Variants in PLS1 observed in about 807,000 individuals in gnomAD.
The protein encoded by PLS1 is plastin 1.
In PLS1, 32 loss-of-function variants were observed where a neutral mutation model predicts 73.7. The observed-to-expected ratio is 0.43, with a 90% confidence interval of 0.33 to 0.58. The LOEUF (loss-of-function observed/expected upper bound fraction) is 0.58. Ranked by LOEUF, PLS1 falls within the 20% of genes least tolerant of loss-of-function variation. The probability of loss-of-function intolerance (pLI) is 0.04; values close to 1 mark genes in which losing one functional copy is unlikely to be tolerated. For missense variants in PLS1, 633 were observed against 740.5 expected (o/e 0.85, Z 1.68); for synonymous variants, 217 against 261.3 (o/e 0.83, Z 1.63).
At chr3:142,711,846 C>G in intron 15 of PLS1, 26 bp from the exon 16 acceptor site, 1 of 1,609,046 alleles carries the variant, frequency 6.2e-7, no homozygotes, top group Non-Finnish European at 8.5e-7. Context: ...TGGATAACAC[C>G]AAGATATTTT....
intron 1 of PLS1, among the ~76,000 whole-genome samples, chr3:142,640,337 A>G (rs1057143354): frequency 6.6e-6 from 1 of 152,210 alleles, no homozygotes; most frequent in African/African-American, 2.4e-5. Context: ...AGCAACAACT[A>G]TGGATAAATA....
At position 142,689,756 on chromosome 3, in the gene PLS1, A is replaced by G; in HGVS notation, c.1120A>G (p.Thr374Ala). ...AGCTTTTGTAGCTAATTTGTTTAACACATACCCGTGCCTGCACAAGCCGAA... is the reference window on the plus strand; with the variant it reads ...AGCTTTTGTAGCTAATTTGTTTAACGCATACCCGTGCCTGCACAAGCCGAA... ...NLAFVANLFN[T>A]YPCLHKPNNN... The change falls in exon 10 of 16, where the codon ACA becomes GCA. Residue 374 changes from threonine to alanine, a missense_variant. Coordinates refer to ENST00000457734, the MANE Select transcript of PLS1 (RefSeq NM_001145319.2). 6.2e-7 allele frequency: 1 copy of G among 1,611,034 alleles called. No homozygotes were observed.
At chr3:142,707,008 A>C (rs1268646638) in intron 14 of PLS1, among the ~76,000 whole-genome samples, 1 of 152,214 alleles carries the variant, frequency 6.6e-6, no homozygotes, top group Non-Finnish European at 1.5e-5. Flanking sequence ...TCAGTTGAAT[A>C]AAAGGGTTGA....
intron 5 of PLS1, 41 bp downstream of exon 5, chr3:142,676,330 A>G: frequency 6.3e-7 from 1 of 1,591,344 alleles, no homozygotes; most frequent in Non-Finnish European, 8.6e-7. Context: ...GTTCTTGCTG[A>G]TTACATTGAT....
In PLS1 at chr3:142,697,925, C is replaced by T. The variant is rs768071152; in HGVS notation, c.1257-28C>T. 3 of 1,346,194 alleles carry T rather than the reference C, an allele frequency of 2.2e-6. No individual in the cohort carries two copies. The South Asian group carries it at 3.5e-5, about 16-fold the overall frequency. The allele number at this position is 1,346,194 out of a possible 1,614,324, so 83.4% of individuals were successfully genotyped here. ...AGGTAATACCCAACATTTCCTCCTCCTTTATCTGCTTTTCCTTCCTGCTTC... is the reference window on the plus strand; with the variant it reads ...AGGTAATACCCAACATTTCCTCCTCTTTTATCTGCTTTTCCTTCCTGCTTC... On this transcript the variant is annotated intron_variant, in intron 11 of 15. Coordinates refer to ENST00000457734, the MANE Select transcript of PLS1 (RefSeq NM_001145319.2).
At chr3:142,687,486 C>CAT (rs1230394129) in intron 9 of PLS1, among the ~76,000 whole-genome samples, 116 of 152,234 alleles carry the variant, frequency 7.6e-4, no homozygotes, top group African/African-American at 2.3e-3. Flanking sequence ...ATTATAATGA[C>CAT]ATATTTCAGA....
chr3:142,629,332 A>G (rs543945847), intron 1 of PLS1, among the ~76,000 whole-genome samples: 1 of 152,124 alleles, frequency 6.6e-6, no homozygotes, highest in South Asian at 2.1e-4. Flanking sequence ...AAGCCTGAGT[A>G]GCTGGGATTA....
At chr3:142,632,731 T>C (rs2036593303) in intron 1 of PLS1, among the ~76,000 whole-genome samples, 1 of 152,068 alleles carries the variant, frequency 6.6e-6, no homozygotes, top group African/African-American at 2.4e-5. Flanking sequence ...CCTGAGTAGC[T>C]TGGATTACAG....
intron 1 of PLS1, among the ~76,000 whole-genome samples, chr3:142,614,786 G>A (rs916737408): frequency 6.6e-6 from 1 of 152,098 alleles, no homozygotes; most frequent in African/African-American, 2.4e-5. Flanking sequence ...GGCTCCATCT[G>A]CTGCTTTCTT....
intron 14 of PLS1, among the ~76,000 whole-genome samples, chr3:142,708,144 A>T (rs868440162): frequency 6.6e-6 from 1 of 152,184 alleles, no homozygotes; most frequent in African/African-American, 2.4e-5. Context: ...TGGCATTGCT[A>T]ATATATAAAG....
At chr3:142,604,972 A>T (rs2035993580) in intron 1 of PLS1, among the ~76,000 whole-genome samples, 1 of 152,160 alleles carries the variant, frequency 6.6e-6, no homozygotes, top group African/African-American at 2.4e-5. Flanking sequence ...TATCAGTGGA[A>T]AAAGGAAATC....
intron 1 of PLS1, among the ~76,000 whole-genome samples, chr3:142,602,549 G>A (rs2108534670): frequency 6.6e-6 from 1 of 152,128 alleles, no homozygotes; most frequent in South Asian, 2.1e-4. Context: ...ATTGGAGGTG[G>A]GTGTGGATAC....
At chr3:142,687,670 C>T (rs1162681899) in intron 9 of PLS1, among the ~76,000 whole-genome samples, 3 of 152,142 alleles carry the variant, frequency 2.0e-5, no homozygotes, top group East Asian at 1.9e-4. Context: ...AATCTTATCT[C>T]GTTTATTCCC....
chr3:142,599,646 C>G (rs1173854466), intron 1 of PLS1, among the ~76,000 whole-genome samples: 1 of 152,102 alleles, frequency 6.6e-6, no homozygotes, highest in African/African-American at 2.4e-5. Context: ...CTTAACTAAG[C>G]TAGTTAGTGG....
intron 12 of PLS1, among the ~76,000 whole-genome samples, chr3:142,699,355 A>C (rs1020065773): frequency 1.3e-5 from 2 of 152,166 alleles, no homozygotes; most frequent in Admixed American, 6.5e-5. Context: ...GCTACTCGGG[A>C]GGCTGAGGCA....
At chr3:142,659,685 T>G (rs1005890879) in intron 1 of PLS1, among the ~76,000 whole-genome samples, 2 of 151,246 alleles carry the variant, frequency 1.3e-5, no homozygotes, top group African/African-American at 4.9e-5. Context: ...TTTTTTTTTT[T>G]GTTGTTGTTT....
chr3:142,675,290 AT>A (rs1282555609), intron 4 of PLS1, among the ~76,000 whole-genome samples: 1 of 152,184 alleles, frequency 6.6e-6, no homozygotes, highest in African/African-American at 2.4e-5. Flanking sequence ...ATTTGGAAAT[AT>A]TTTTGAATCA....
At chr3:142,685,437 C>G (rs2037944133) in intron 8 of PLS1, among the ~76,000 whole-genome samples, 1 of 152,126 alleles carries the variant, frequency 6.6e-6, no homozygotes, top group Non-Finnish European at 1.5e-5. Context: ...TGGGTTGATG[C>G]ATCTTGGCTG....
In PLS1 at chr3:142,704,559, CA is replaced by C. The variant is rs1560077978; in HGVS notation, c.1607del (p.Lys536ArgfsTer12). ...TCAATCAGACTCTTAAAAGTGCAAACAAAAAGACTTCTATTTCCAGCTTCAA... is the reference window on the plus strand; with the variant it reads ...TCAATCAGACTCTTAAAAGTGCAAACAAAAGACTTCTATTTCCAGCTTCAA... The part of the protein sequence containing the change: ...WVNQTLKSAN[K>X]KTSISSFKDK... On this transcript the variant is annotated frameshift_variant, in exon 14 of 16. Coordinates refer to ENST00000457734, the MANE Select transcript of PLS1 (RefSeq NM_001145319.2). LOFTEE classifies it high-confidence loss of function. 1 of 1,456,976 alleles carries C rather than the reference CA, an allele frequency of 6.9e-7. No individual in the cohort carries two copies. The highest frequency in any genetic ancestry group is 9.2e-7 in the Non-Finnish European group (1 of 1,092,618). 90.3% of individuals were successfully genotyped at this position (1,456,976 alleles called of 1,614,324 possible). A position where few individuals can be genotyped will look rare whatever the true frequency, so the allele number is the denominator to read the frequency against.
Sources: gnomAD v4.1 joint callset for allele counts (sites outside exome capture counted in the v4.1 genomes callset) on GRCh38, gnomAD v4.1.1 for gene constraint, MANE v1.5 for transcripts, NCBI Gene and HGNC (gene_info 2026-07-23, HGNC 2026-07-21) for gene names.